HAAO: variants seen among roughly 807,000 people sequenced by gnomAD.
HAAO encodes 3-hydroxyanthranilate oxygenase.
HAAO carries 49 observed loss-of-function variants against 46.2 expected under a neutral mutation model. The ratio of observed to expected loss-of-function variants is 1.06; its 90% CI spans 0.84 to 1.34. HAAO has a LOEUF of 1.34. Ranked by LOEUF, HAAO falls within the 40% of genes most tolerant of loss-of-function variation. The probability of loss-of-function intolerance (pLI) is 0.00; values close to 1 mark genes in which losing one functional copy is unlikely to be tolerated. For synonymous variants in HAAO, 157 were observed against 145.2 expected (o/e 1.08, Z -0.58); for missense variants, 408 against 364.5 (o/e 1.12, Z -0.97).
At chr2:42,771,074 G>C (rs942219178) in intron 4 of HAAO, among the ~76,000 whole-genome samples, 7 of 152,120 alleles carry the variant, frequency 4.6e-5, no homozygotes, top group Non-Finnish European at 1.0e-4. Context: ...CTGAGTGCAC[G>C]GACACTTAAG....
chr2:42,784,566 C>T (rs1349474338), intron 2 of HAAO, among the ~76,000 whole-genome samples: 3 of 150,084 alleles, frequency 2.0e-5, no homozygotes, highest in African/African-American at 4.9e-5. Context: ...TGCATTTTTC[C>T]GATTCCATCC....
At chr2:42,773,586 T>A (rs1003995175) in intron 4 of HAAO, among the ~76,000 whole-genome samples, 214 of 148,620 alleles carry the variant, frequency 1.4e-3, no homozygotes, top group Non-Finnish European at 2.7e-3. Context: ...ACCCCCTATT[T>A]TTTTTTTTTT....
chr2:42,769,338 G>T (rs960011395), intron 7 of HAAO, among the ~76,000 whole-genome samples: 1 of 152,116 alleles, frequency 6.6e-6, no homozygotes, highest in African/African-American at 2.4e-5. Flanking sequence ...CTCCCTTTTG[G>T]CTTCCAAGGG....
In HAAO at chr2:42,776,921, C is replaced by T. The variant is rs528141074; in HGVS notation, c.351-6339G>A. ...TGCTGGGATTACAGGCCTGAGCCAC[C>T]GTGTCCGGCGAGTTGTTTCCTTTAA... On this transcript the variant is annotated intron_variant, in intron 4 of 9. Transcript: ENST00000294973. Among the ~76,000 whole-genome samples the T allele has an allele frequency of 4.5e-4, 68 of 151,968 alleles. No homozygotes were observed. In the South Asian group the frequency reaches 5.4e-3, roughly 12 times the overall value.
rs754610360 is a variant in HAAO at position 42,783,298 on chromosome 2, T to G, written c.350+16A>C. On this transcript the variant is annotated intron_variant, in intron 4 of 9. Coordinates refer to ENST00000294973, the MANE Select transcript of HAAO (RefSeq NM_012205.3). Reference sequence around the variant, plus strand: ...GTTTGCCCTTTCTCTGCCCCAGCCCTCCAGACAGAATTTACCTGAGCCCAT... The same window carrying G: ...GTTTGCCCTTTCTCTGCCCCAGCCCGCCAGACAGAATTTACCTGAGCCCAT... The G allele has an allele frequency of 1.3e-6, 2 of 1,514,050 alleles. No individual in the cohort carries two copies. Among genetic ancestry groups the G allele is most frequent in the South Asian group, 2.3e-5 (2 of 87,640 alleles). 93.8% of individuals were successfully genotyped at this position (1,514,050 alleles called of 1,614,324 possible).
chr2:42,785,437 T>G (rs1022570704), intron 2 of HAAO, among the ~76,000 whole-genome samples: 8 of 152,234 alleles, frequency 5.3e-5, no homozygotes, highest in African/African-American at 1.9e-4. Context: ...GGCTTTAGTT[T>G]GTAGCAATAC....
intron 7 of HAAO, 37 bp from the exon 8 acceptor site, chr2:42,767,965 T>C: frequency 1.3e-6 from 2 of 1,573,552 alleles, no homozygotes; most frequent in South Asian, 2.2e-5. Context: ...TGGTGCTTCT[T>C]GCCCCACATG....
Position 42,781,076 on chromosome 2 carries a change from CA to C in HAAO, c.350+2237del, listed in dbSNP as rs1006085120. Among the ~76,000 whole-genome samples the C allele has an allele frequency of 8.7e-5, 13 of 149,124 alleles. No individual in the cohort carries two copies. The South Asian group carries it at 1.9e-3, about 22-fold the overall frequency. ...TGGGCGACAGAGCAAGACTCTGTCTCAAAAAAAAACACAACAATTTAGTATA... is the reference window on the plus strand; with the variant it reads ...TGGGCGACAGAGCAAGACTCTGTCTCAAAAAAAACACAACAATTTAGTATA... On this transcript the variant is annotated intron_variant, in intron 4 of 9. Transcript: ENST00000294973.
At chr2:42,783,958 T>C in intron 2 of HAAO, 91 bp from the exon 3 acceptor site, 1 of 1,538,760 alleles carries the variant, frequency 6.5e-7, no homozygotes, top group South Asian at 1.2e-5. Context: ...CCGGGAAACC[T>C]GAGAAACTTT....
At chr2:42,787,524 T>G (rs1477323440) in intron 2 of HAAO, among the ~76,000 whole-genome samples, 2 of 152,166 alleles carry the variant, frequency 1.3e-5, no homozygotes, top group Admixed American at 6.5e-5. Flanking sequence ...GCAGGGCCCC[T>G]GGAGCGTGAG....
chr2:42,790,149 C>A (rs1672680816), intron 1 of HAAO, among the ~76,000 whole-genome samples: 1 of 152,092 alleles, frequency 6.6e-6, no homozygotes, highest in African/African-American at 2.4e-5. Context: ...GCTTTCCAGC[C>A]CAGCTGGGAG....
At chr2:42,781,665 G>A (rs1009413664) in intron 4 of HAAO, among the ~76,000 whole-genome samples, 1 of 152,150 alleles carries the variant, frequency 6.6e-6, no homozygotes, top group Non-Finnish European at 1.5e-5. Flanking sequence ...CTGAGGTCAG[G>A]AGTTCGAGAC....
chr2:42,783,466 T>G (rs1558671575), intron 3 of HAAO, 46 bp from the exon 4 acceptor site: 1 of 1,254,096 alleles, frequency 8.0e-7, no homozygotes, highest in East Asian at 2.4e-5. Flanking sequence ...CAATCCCTCA[T>G]GGAGACCTTA....
Position 42,788,518 on chromosome 2 carries a change from G to T in HAAO, c.159+11C>A. On this transcript the variant is annotated intron_variant, in intron 2 of 9. Coordinates refer to ENST00000294973, the MANE Select transcript of HAAO (RefSeq NM_012205.3). Reference sequence around the variant, plus strand: ...CGCAGGCCTAGATCCAGGGAGACCAGTCAAACCTACCTCTTCACCCTCTTC... The same window carrying T: ...CGCAGGCCTAGATCCAGGGAGACCATTCAAACCTACCTCTTCACCCTCTTC... 1 of 1,574,296 alleles carries T rather than the reference G, an allele frequency of 6.4e-7. No homozygotes were observed. The highest frequency in any genetic ancestry group is 8.7e-7 in the Non-Finnish European group (1 of 1,144,258).
intron 4 of HAAO, among the ~76,000 whole-genome samples, chr2:42,775,207 A>T (rs1275927446): frequency 2.0e-5 from 3 of 146,578 alleles, no homozygotes; most frequent in Non-Finnish European, 4.4e-5. Context: ...AGATTGCACC[A>T]CTACACTTCA....
chr2:42,783,311 T>C lies in HAAO; in HGVS notation c.350+3A>G, dbSNP rs2104662509. On this transcript the variant is annotated splice_donor_region_variant and intron_variant, in intron 4 of 9. Coordinates refer to ENST00000294973, the MANE Select transcript of HAAO (RefSeq NM_012205.3). ...CTGCCCCAGCCCTCCAGACAGAATT[T>C]ACCTGAGCCCATCTAGCTCGGTCTC... 2 of 1,586,994 alleles carry C rather than the reference T, an allele frequency of 1.3e-6. No individual in the cohort carries two copies. Among genetic ancestry groups the C allele is most frequent in the African/African-American group, 2.7e-5 (2 of 74,472 alleles).
rs957175192 is a variant in HAAO at position 42,783,797 on chromosome 2, A to G, written c.230T>C (p.Ile77Thr). The G allele has an allele frequency of 1.2e-6, 2 of 1,612,548 alleles. No homozygotes were observed. The highest frequency in any genetic ancestry group is 2.2e-5 in the East Asian group (1 of 44,868). The change falls in exon 3 of 10, where the codon ATT becomes ACT. Residue 77 changes from isoleucine to threonine, a missense_variant. Coordinates refer to ENST00000294973, the MANE Select transcript of HAAO (RefSeq NM_012205.3). The part of the protein sequence containing the change: ...LEQGKHRDVV[I>T]RQGEIFLLPA... ...ATCCGGCCTCACCTCTCCCTGCCGA[A>G]TGACCACATCCCGGTGTTTCCCTTG...
chr2:42,783,122 C>T, intron 4 of HAAO, 192 bp downstream of exon 4: 2 of 590,108 alleles, frequency 3.4e-6, no homozygotes, highest in East Asian at 2.8e-5. Context: ...ACAGAATCCA[C>T]CCCACTCTAC....
chr2:42,768,118 C>T (rs1670809449), intron 7 of HAAO, among the ~76,000 whole-genome samples, 190 bp from the exon 8 acceptor site: 1 of 152,240 alleles, frequency 6.6e-6, no homozygotes, highest in Admixed American at 6.5e-5. Context: ...CTCCCTGTGC[C>T]CGCCGCTGCA....
Sources: gnomAD v4.1 joint callset for allele counts (sites outside exome capture counted in the v4.1 genomes callset) on GRCh38, gnomAD v4.1.1 for gene constraint, MANE v1.5 for transcripts, NCBI Gene and HGNC (gene_info 2026-07-23, HGNC 2026-07-21) for gene names.